Variants in MYBL1 observed in about 807,000 individuals in gnomAD.
The protein encoded by MYBL1 is MYB proto-oncogene like 1.
MYBL1 carries 17 observed loss-of-function variants against 96.3 expected under a neutral mutation model. That is an observed-to-expected ratio of 0.18 (90% CI 0.12 to 0.26). The LOEUF (loss-of-function observed/expected upper bound fraction) is 0.26, where lower values mean the gene tolerates loss of function less well. Ranked by LOEUF, MYBL1 falls within the 10% of genes least tolerant of loss-of-function variation. The pLI is 1.00. For synonymous variants in MYBL1, 282 were observed against 292.7 expected, an observed-to-expected ratio of 0.96 and a Z score of 0.37; for missense variants, 701 against 882.9, an observed-to-expected ratio of 0.79 and a Z score of 2.61.
At position 66,564,559 on chromosome 8, in the gene MYBL1, T is replaced by C. The variant is rs749427324; in HGVS notation, c.*138A>G. On this transcript the variant is annotated 3_prime_UTR_variant, in exon 16 of 16. Transcript: ENST00000522677. ...ACTTACTAGCTTTCTGCCTACTATA[T>C]AGAATAGAAAAAAGATGCTGTATTA... 1 of 565,276 alleles carries C rather than the reference T, an allele frequency of 1.8e-6. No individual in the cohort carries two copies. The highest frequency in any genetic ancestry group is 2.7e-6 in the Non-Finnish European group (1 of 363,672). The allele number at this position is 565,276 out of a possible 1,614,324, so 35.0% of individuals were successfully genotyped here.
chr8:66,609,272 T>C (rs1810434892), intron 1 of MYBL1, among the ~76,000 whole-genome samples: 1 of 152,048 alleles, frequency 6.6e-6, no homozygotes, highest in South Asian at 2.1e-4. Flanking sequence ...AACCAGTAAA[T>C]GAGGTATTCC....
intron 4 of MYBL1, 92 bp downstream of exon 4, chr8:66,598,957 CT>C (rs1809959237): frequency 1.4e-6 from 1 of 721,204 alleles, no homozygotes; most frequent in Non-Finnish European, 2.0e-6. Flanking sequence ...ATCAAAGTGA[CT>C]TAAACATGTA....
chr8:66,599,208 T>G, intron 3 of MYBL1, 66 bp from the exon 4 acceptor site: 1 of 1,023,774 alleles, frequency 9.8e-7, no homozygotes, highest in Non-Finnish European at 1.4e-6. Flanking sequence ...AGCCCGAATT[T>G]ATGTCTCACA....
At chr8:66,587,049 G>A (rs1809448283) in intron 8 of MYBL1, among the ~76,000 whole-genome samples, 2 of 152,152 alleles carry the variant, frequency 1.3e-5, no homozygotes, top group South Asian at 4.1e-4. Flanking sequence ...GGGGAGCCAA[G>A]GAAGGGAAGC....
rs1055487722 is a variant in MYBL1, at chr8:66,564,577, C to T, written c.*120G>A. The T allele has an allele frequency of 4.2e-5, 29 of 683,010 alleles. No homozygotes were observed. In the African/African-American group the frequency reaches 5.2e-4, roughly 12 times the overall value. The allele number at this position is 683,010 out of a possible 1,614,324, so 42.3% of individuals were successfully genotyped here. A position where few individuals can be genotyped will look rare whatever the true frequency, so the allele number is the denominator to read the frequency against. On this transcript the variant is annotated 3_prime_UTR_variant, in exon 16 of 16. Transcript: ENST00000522677. ...TACTATATAGAATAGAAAAAAGATG[C>T]TGTATTAAAAGGGCTATCTTACAAC...
chr8:66,610,261 TA>T (rs1810478452), intron 1 of MYBL1, among the ~76,000 whole-genome samples: 2 of 152,074 alleles, frequency 1.3e-5, no homozygotes, highest in South Asian at 4.1e-4. Flanking sequence ...GATGTAAAAT[TA>T]TTTAAAGTCA....
intron 10 of MYBL1, among the ~76,000 whole-genome samples, 173 bp downstream of exon 10, chr8:66,575,834 T>G (rs1020127515): frequency 1.3e-5 from 2 of 152,194 alleles, no homozygotes; most frequent in Admixed American, 1.3e-4. Flanking sequence ...TTGCAGCTAC[T>G]ACATTTTGTG....
intron 9 of MYBL1, among the ~76,000 whole-genome samples, chr8:66,577,621 A>G (rs1197485843): frequency 2.0e-5 from 3 of 152,110 alleles, no homozygotes; most frequent in Non-Finnish European, 4.4e-5. Flanking sequence ...CATGGGTAGG[A>G]AGAATCAATA....
intron 8 of MYBL1, among the ~76,000 whole-genome samples, chr8:66,583,925 A>G (rs1220331220): frequency 6.6e-6 from 1 of 152,238 alleles, no homozygotes; most frequent in African/African-American, 2.4e-5. Context: ...CTCTCAGAAA[A>G]CTGAAGAGTA....
Position 66,564,550 on chromosome 8 carries a change from CCTA to C in MYBL1, c.*144_*146del. 1 of 476,232 alleles carries C rather than the reference CCTA, an allele frequency of 2.1e-6. No individual in the cohort carries two copies. The highest frequency in any genetic ancestry group is 3.4e-6 in the Non-Finnish European group (1 of 295,532). The allele number at this position is 476,232 out of a possible 1,614,324, so 29.5% of individuals were successfully genotyped here. A position where few individuals can be genotyped will look rare whatever the true frequency, so the allele number is the denominator to read the frequency against. ...CCTTAAGTGACTTACTAGCTTTCTG[CCTA>C]CTATATAGAATAGAAAAAAGATGCT... On this transcript the variant is annotated 3_prime_UTR_variant, in exon 16 of 16. Coordinates refer to ENST00000522677, the MANE Select transcript of MYBL1 (RefSeq NM_001080416.4).
rs1204787556 is a variant in MYBL1 at position 66,582,610 on chromosome 8, T to C, written c.868-2244A>G. On this transcript the variant is annotated intron_variant, in intron 8 of 15. Coordinates refer to ENST00000522677, the MANE Select transcript of MYBL1 (RefSeq NM_001080416.4). The stretch of plus-strand genomic sequence containing the variant: ...GCACATGCCTGTGGTCCCCGCTACT[T>C]GGGAGGCTGAGGTGAAAGCATCACC... Among the ~76,000 whole-genome samples, 6 of 145,032 alleles carry C rather than the reference T, an allele frequency of 4.1e-5. No homozygotes were observed. The East Asian group carries it at 8.0e-4, about 19-fold the overall frequency.
chr8:66,590,479 G>A (rs552812650), intron 8 of MYBL1, among the ~76,000 whole-genome samples: 10 of 151,844 alleles, frequency 6.6e-5, no homozygotes, highest in East Asian at 1.9e-4. Flanking sequence ...AAAATTAGCC[G>A]GGCATGTTGG....
chr8:66,581,105 G>A (rs898231708), intron 8 of MYBL1, among the ~76,000 whole-genome samples: 18 of 152,002 alleles, frequency 1.2e-4, no homozygotes, highest in African/African-American at 4.1e-4. Flanking sequence ...CAGGTGATCC[G>A]CCCACCTCAG....
At chr8:66,595,472 T>C (rs1010780727) in intron 6 of MYBL1, 111 bp downstream of exon 6, 6 of 491,176 alleles carry the variant, frequency 1.2e-5, no homozygotes, top group Non-Finnish European at 2.0e-5. Context: ...TTTCAGTTTG[T>C]CTATTTACCC....
chr8:66,576,587 A>C (rs1206966591), intron 9 of MYBL1, among the ~76,000 whole-genome samples: 3 of 152,194 alleles, frequency 2.0e-5, no homozygotes, highest in Non-Finnish European at 4.4e-5. Context: ...CATCTAATTC[A>C]GTAGTTGAAG....
chr8:66,568,960 G>A (rs532503345), intron 12 of MYBL1, among the ~76,000 whole-genome samples: 2 of 152,150 alleles, frequency 1.3e-5, no homozygotes, highest in African/African-American at 4.8e-5. Context: ...GAAGGCAGAG[G>A]TTGCAGTGAG....
At position 66,572,471 on chromosome 8, in the gene MYBL1, A is replaced by T; in HGVS notation, c.1728+11T>A. The stretch of plus-strand genomic sequence containing the variant: ...TAGGAAAATTATTAAAAATAAAATG[A>T]ATATACATACCACAATTTTAAGAGG... On this transcript the variant is annotated intron_variant, in intron 12 of 15. Transcript: ENST00000522677. The T allele has an allele frequency of 7.5e-7, 1 of 1,325,084 alleles. No individual in the cohort carries two copies. The highest frequency in any genetic ancestry group is 1.1e-6 in the Non-Finnish European group (1 of 948,082). The allele number at this position is 1,325,084 out of a possible 1,614,324, so 82.1% of individuals were successfully genotyped here. A position where few individuals can be genotyped will look rare whatever the true frequency, so the allele number is the denominator to read the frequency against.
intron 3 of MYBL1, among the ~76,000 whole-genome samples, chr8:66,600,937 G>A (rs1417130025): frequency 6.6e-6 from 1 of 151,894 alleles, no homozygotes; most frequent in Non-Finnish European, 1.5e-5. Context: ...CTGGGAGGCC[G>A]AGGCAGTTAG....
At chr8:66,599,208 T>C (rs1809970333) in intron 3 of MYBL1, 66 bp from the exon 4 acceptor site, 20 of 1,023,774 alleles carry the variant, frequency 2.0e-5, no homozygotes, top group Non-Finnish European at 2.8e-5. Flanking sequence ...AGCCCGAATT[T>C]ATGTCTCACA....
Sources: gnomAD v4.1 joint callset for allele counts (sites outside exome capture counted in the v4.1 genomes callset) on GRCh38, gnomAD v4.1.1 for gene constraint, MANE v1.5 for transcripts, NCBI Gene and HGNC (gene_info 2026-07-23, HGNC 2026-07-21) for gene names.